The following SHANK2 variants were observed in gnomAD, a reference collection of about 807,000 sequenced individuals.
SHANK2 encodes the protein SH3 and multiple ankyrin repeat domains protein 2.
SHANK2 carries 43 observed loss-of-function variants against 133.7 expected under a neutral mutation model. The ratio of observed to expected loss-of-function variants is 0.32; its 90% CI spans 0.25 to 0.41. The LOEUF (loss-of-function observed/expected upper bound fraction) is 0.41. Ranked by LOEUF, SHANK2 falls within the 10% of genes least tolerant of loss-of-function variation. The pLI is 1.00. For synonymous variants in SHANK2, 1,017 were observed against 952.8 expected (o/e 1.07, Z -1.24); for missense variants, 1,994 against 2,235.8 (o/e 0.89, Z 2.18).
At chr11:71,207,090 T>TA (rs1203637197) in intron 2 of SHANK2, among the ~76,000 whole-genome samples, 3 of 57,464 alleles carry the variant, frequency 5.2e-5, no homozygotes, top group South Asian at 1.0e-3. Flanking sequence ...TGCCTCAAAA[T>TA]AAAAAAAAGA....
chr11:71,073,147 C>CT lies in SHANK2; in HGVS notation c.1029+2011dup, dbSNP rs1156355131. Among the ~76,000 whole-genome samples, 621 of 62,620 alleles carry CT rather than the reference C, an allele frequency of 9.9e-3. 155 individuals carry two copies. Among genetic ancestry groups the CT allele is most frequent in the Middle Eastern group, 0.022 (2 of 90 alleles). The allele number at this position is 62,620 out of a possible 152,430, so 41.1% of individuals were successfully genotyped here. A position where few individuals can be genotyped will look rare whatever the true frequency, so the allele number is the denominator to read the frequency against. ...TTTTTGTTTTTTTTCTTTTTCTTTT[C>CT]TTTTTTTTCTTTTTTTTCTTTTTTT... On this transcript the variant is annotated intron_variant, in intron 9 of 25. Coordinates refer to ENST00000601538, the MANE Select transcript of SHANK2 (RefSeq NM_012309.5).
intron 1 of SHANK2, among the ~76,000 whole-genome samples, chr11:71,228,920 T>C (rs1954688760): frequency 6.6e-6 from 1 of 152,150 alleles, no homozygotes; most frequent in South Asian, 2.1e-4. Context: ...GCATTTATTC[T>C]AGGGATGCCA....
At chr11:71,096,726 TC>T (rs1951621201) in intron 6 of SHANK2, among the ~76,000 whole-genome samples, 2 of 152,194 alleles carry the variant, frequency 1.3e-5, no homozygotes, top group Admixed American at 1.3e-4. Flanking sequence ...GTTAGGATTT[TC>T]TTTCCCATTT....
intron 15 of SHANK2, among the ~76,000 whole-genome samples, chr11:70,662,378 G>A (rs1555013722): frequency 2.0e-5 from 3 of 152,170 alleles, no homozygotes; most frequent in East Asian, 1.9e-4. Context: ...CTGCCTGGGC[G>A]TCATCCCGCG....
intron 2 of SHANK2, among the ~76,000 whole-genome samples, chr11:71,197,922 G>A (rs1243919063): frequency 6.6e-6 from 1 of 152,184 alleles, no homozygotes; most frequent in African/African-American, 2.4e-5. Flanking sequence ...CCCAGCCAGG[G>A]AAGAAGGAGT....
intron 17 of SHANK2, among the ~76,000 whole-genome samples, chr11:70,646,829 T>TTTATTTATTTATTTTA (rs1491262147): frequency 1.1e-4 from 9 of 81,906 alleles, no homozygotes; most frequent in African/African-American, 3.0e-4. Flanking sequence ...CTTTTATTTA[T>TTTATTTATTTATTTTA]TTTATTTATT....
chr11:70,734,158 C>A (rs570685401), intron 14 of SHANK2, among the ~76,000 whole-genome samples: 2 of 152,048 alleles, frequency 1.3e-5, no homozygotes, highest in African/African-American at 4.8e-5. Flanking sequence ...GCAGAGCCCG[C>A]GGGAGGGAGT....
intron 12 of SHANK2, among the ~76,000 whole-genome samples, chr11:70,819,739 G>C (rs1214121544): frequency 3.3e-5 from 5 of 152,136 alleles, no homozygotes; most frequent in Admixed American, 1.3e-4. Flanking sequence ...GAGACTGACA[G>C]ACATGCCCTC....
At chr11:70,694,882 C>T (rs1024569091) in intron 15 of SHANK2, among the ~76,000 whole-genome samples, 8 of 152,164 alleles carry the variant, frequency 5.3e-5, no homozygotes, top group Admixed American at 6.5e-5. Context: ...ACCCTCCATC[C>T]GTGCTGCCCA....
rs1245346157 is a variant in SHANK2 at position 71,175,310 on chromosome 11, GA to G, written c.-12-27973del. 1.3e-5 allele frequency among the ~76,000 whole-genome samples: 2 copies of G among 152,142 alleles called. No homozygotes were observed. Among genetic ancestry groups the G allele is most frequent in the Non-Finnish European group, 2.9e-5 (2 of 68,028 alleles). ...AGCTGAGCATGACAGGTCGCCCCAG[GA>G]AATGCAAAGCTGATGAAACCTGAGC... is the stretch of plus-strand genomic sequence containing the variant. On this transcript the variant is annotated intron_variant, in intron 2 of 25. Coordinates refer to ENST00000601538, the MANE Select transcript of SHANK2 (RefSeq NM_012309.5). The surrounding 1 kb of genome is among the most constrained non-coding windows in gnomAD (Gnocchi z 4.2).
At chr11:70,490,583 C>T (rs1208774903) in intron 22 of SHANK2, among the ~76,000 whole-genome samples, 196 bp from the exon 23 acceptor site, 1 of 152,246 alleles carries the variant, frequency 6.6e-6, no homozygotes, top group Non-Finnish European at 1.5e-5. Flanking sequence ...AGGTGCCTTT[C>T]CTATTCGCTG....
intron 2 of SHANK2, among the ~76,000 whole-genome samples, chr11:71,151,482 C>T (rs1952796235): frequency 6.6e-6 from 1 of 152,182 alleles, no homozygotes; most frequent in African/African-American, 2.4e-5. Context: ...GCTGCGATGC[C>T]ACCCCCATTT....
At chr11:70,851,566 G>A (rs1390750147) in intron 11 of SHANK2, among the ~76,000 whole-genome samples, 3 of 152,206 alleles carry the variant, frequency 2.0e-5, no homozygotes, top group East Asian at 3.8e-4. Flanking sequence ...GGGCAATTGA[G>A]CACGGAGTCC....
intron 14 of SHANK2, among the ~76,000 whole-genome samples, chr11:70,725,737 TA>T (rs11297699): frequency 0.6 from 90,506 of 152,052 alleles, 28,187 homozygotes; most frequent in African/African-American, 0.8. Flanking sequence ...ACATTGTCGG[TA>T]ACTCTACGTA....
chr11:70,729,973 G>T (rs1452638769), intron 14 of SHANK2, among the ~76,000 whole-genome samples: 4 of 151,260 alleles, frequency 2.6e-5, no homozygotes, highest in African/African-American at 9.7e-5. Flanking sequence ...CACCACCTAG[G>T]GGTTCATGAT....
chr11:71,094,116 G>C (rs1450108418), intron 7 of SHANK2, among the ~76,000 whole-genome samples: 2 of 152,106 alleles, frequency 1.3e-5, no homozygotes, highest in Admixed American at 1.3e-4. Context: ...GTAACCCCCA[G>C]TGCTGGGGGT....
intron 17 of SHANK2, among the ~76,000 whole-genome samples, chr11:70,617,584 C>T (rs2060768501): frequency 6.6e-6 from 1 of 152,074 alleles, no homozygotes; most frequent in Non-Finnish European, 1.5e-5. Flanking sequence ...GCATAGGAAC[C>T]CTCAGAACCC....
At position 70,897,943 on chromosome 11, in the gene SHANK2, C is replaced by T. The variant is rs553357137; in HGVS notation, c.1108-1376G>A. On this transcript the variant is annotated intron_variant, in intron 10 of 25. Coordinates refer to ENST00000601538, the MANE Select transcript of SHANK2 (RefSeq NM_012309.5). ...TGAAATGTCTCATAATATACATATA[C>T]ACACACACACACACACACTTTTTTT... 1.6e-4 allele frequency among the ~76,000 whole-genome samples: 24 copies of T among 150,070 alleles called. No individual in the cohort carries two copies. The East Asian group carries it at 2.0e-3, about 12-fold the overall frequency.
chr11:70,554,898 T>A (rs1176131530), intron 17 of SHANK2, among the ~76,000 whole-genome samples: 3 of 75,732 alleles, frequency 4.0e-5, no homozygotes, highest in African/African-American at 1.3e-4. Context: ...TCACGAACAT[T>A]GCATTTTTTT....
Sources: gnomAD v4.1 joint callset for allele counts (sites outside exome capture counted in the v4.1 genomes callset) on GRCh38, gnomAD v4.1.1 for gene constraint, Gnocchi (gnomAD v3.1) non-coding constraint, MANE v1.5 for transcripts, NCBI Gene and HGNC (gene_info 2026-07-23, HGNC 2026-07-21) for gene names.